KDM3B: variants seen among roughly 807,000 people sequenced by gnomAD.
KDM3B encodes lysine demethylase 3B.
A neutral mutation model predicts 170.0 loss-of-function variants in KDM3B; 10 were observed. The observed-to-expected ratio is 0.06, with a 90% CI of 0.04 to 0.10. The LOEUF (loss-of-function observed/expected upper bound fraction) is 0.10. KDM3B is among the 10% of genes least tolerant of loss of function. The pLI is 1.00. For missense variants in KDM3B, 1,394 were observed against 2,195.2 expected (o/e 0.64, Z 7.29); for synonymous variants, 831 against 834.8 (o/e 1.00, Z 0.08).
intron 15 of KDM3B, among the ~76,000 whole-genome samples, chr5:138,423,038 C>A (rs1763312156): frequency 6.6e-6 from 1 of 152,164 alleles, no homozygotes; most frequent in South Asian, 2.1e-4. Context: ...TTCCCAGGTT[C>A]AAGCAAATCT....
At chr5:138,379,185 G>T (rs1762069454) in intron 4 of KDM3B, among the ~76,000 whole-genome samples, 1 of 152,100 alleles carries the variant, frequency 6.6e-6, no homozygotes, top group South Asian at 2.1e-4. Flanking sequence ...TTTCAACTTA[G>T]TGGCCTCCCA....
intron 1 of KDM3B, among the ~76,000 whole-genome samples, chr5:138,372,321 T>A (rs1267634647): frequency 6.6e-6 from 1 of 152,246 alleles, no homozygotes; most frequent in Non-Finnish European, 1.5e-5. Flanking sequence ...GATTCCTTTC[T>A]GTATTCCTGA....
At chr5:138,382,657 T>A (rs1313193803) in intron 6 of KDM3B, among the ~76,000 whole-genome samples, 1 of 151,954 alleles carries the variant, frequency 6.6e-6, no homozygotes, top group Non-Finnish European at 1.5e-5. Flanking sequence ...AAGATCAGAA[T>A]AGGAAAAGAA....
At chr5:138,403,824 C>G (rs752319757) in intron 11 of KDM3B, among the ~76,000 whole-genome samples, 14 of 140,224 alleles carry the variant, frequency 1.0e-4, no homozygotes, top group Non-Finnish European at 1.4e-4. Flanking sequence ...AAGACCCCAT[C>G]TCAACCAAAA....
intron 12 of KDM3B, 99 bp downstream of exon 12, chr5:138,415,338 C>A: frequency 1.7e-6 from 1 of 583,108 alleles, no homozygotes; most frequent in Non-Finnish European, 3.0e-6. Flanking sequence ...CTCATTTTTT[C>A]TTTTAAGCAT....
At position 138,400,232 on chromosome 5, in the gene KDM3B, T is replaced by G. The variant is rs76113487; in HGVS notation, c.3199+220T>G. Reference sequence around the variant, plus strand: ...TTATTCTTAATTTTTCCTTGGTTTTTTTTTTGTTTTTGTTTTTTTTAAGGC... The same window carrying G: ...TTATTCTTAATTTTTCCTTGGTTTTGTTTTTGTTTTTGTTTTTTTTAAGGC... On this transcript the variant is annotated intron_variant, in intron 11 of 23. Coordinates refer to ENST00000314358, the MANE Select transcript of KDM3B (RefSeq NM_016604.4). Among the ~76,000 whole-genome samples the G allele has an allele frequency of 7.9e-3, 1,209 of 152,154 alleles. 6 individuals are homozygous for G. Among genetic ancestry groups the G allele is most frequent in the Non-Finnish European group, 0.013 (906 of 67,998 alleles).
rs758955932 is a variant in KDM3B at position 138,424,222 on chromosome 5, A to C, written c.4120A>C (p.Asn1374His). 6.2e-7 allele frequency: 1 copy of C among 1,614,160 alleles called. No individual in the cohort carries two copies. Among genetic ancestry groups the C allele is most frequent in the Non-Finnish European group, 8.5e-7 (1 of 1,180,006 alleles). ...AGTGAAGGAGATGGTGATGGGGTTA[A>C]ATGTGCTAGATCCCCATACTTCTCA... Reference protein sequence around the residue: ...KEVKEMVMGLNVLDPHTSHSW... With the variant: ...KEVKEMVMGLHVLDPHTSHSW... The change falls in exon 16 of 24, where the codon AAT (asparagine) becomes CAT (histidine). Residue 1374 changes from asparagine to histidine, a missense_variant. Coordinates refer to ENST00000314358, the MANE Select transcript of KDM3B (RefSeq NM_016604.4).
At chr5:138,372,541 A>G (rs1402645707) in intron 1 of KDM3B, 133 bp from the exon 2 acceptor site, 1 of 759,634 alleles carries the variant, frequency 1.3e-6, no homozygotes, top group Non-Finnish European at 2.1e-6. Flanking sequence ...ATTGACACCC[A>G]TTAAAATAAC....
intron 6 of KDM3B, among the ~76,000 whole-genome samples, chr5:138,382,938 T>C (rs902420018): frequency 1.3e-5 from 2 of 152,128 alleles, no homozygotes; most frequent in Non-Finnish European, 1.5e-5. Context: ...ATTAAGCATA[T>C]ATTGTATGCC....
Position 138,379,077 on chromosome 5 carries a change from T to C in KDM3B, c.581-507T>C, listed in dbSNP as rs1345025744. Among the ~76,000 whole-genome samples the C allele has an allele frequency of 2.6e-5, 4 of 152,170 alleles. No homozygotes were observed. The East Asian group carries it at 5.8e-4, about 22-fold the overall frequency. ...TCAGCCTATTATTAGTGCAGAAGGC[T>C]GGAAACTTCATAAATTGAACTCTTC... On this transcript the variant is annotated intron_variant, in intron 4 of 23. Transcript: ENST00000314358.
chr5:138,366,921 G>A (rs1761760986), intron 1 of KDM3B, among the ~76,000 whole-genome samples: 1 of 152,206 alleles, frequency 6.6e-6, no homozygotes, highest in African/African-American at 2.4e-5. Context: ...TAATATGCCA[G>A]TCAAAGCTCT....
At chr5:138,433,140 C>A (rs1335821738) in intron 23 of KDM3B, among the ~76,000 whole-genome samples, 1 of 141,298 alleles carries the variant, frequency 7.1e-6, no homozygotes, top group Non-Finnish European at 1.5e-5. Context: ...GAGACAGATT[C>A]TCAGTCTGTC....
At chr5:138,380,154 A>G (rs2126932502) in intron 5 of KDM3B, among the ~76,000 whole-genome samples, 2 of 151,862 alleles carry the variant, frequency 1.3e-5, no homozygotes, top group Non-Finnish European at 1.5e-5. Flanking sequence ...CACCTAGCTA[A>G]TTTTTCTATT....
intron 1 of KDM3B, among the ~76,000 whole-genome samples, chr5:138,354,035 T>G (rs1761394290): frequency 6.6e-6 from 1 of 152,210 alleles, no homozygotes. Flanking sequence ...CTTGATGAAC[T>G]TGCTTTTGCA....
chr5:138,395,238 G>A (rs1479322941), intron 9 of KDM3B, among the ~76,000 whole-genome samples: 1 of 152,138 alleles, frequency 6.6e-6, no homozygotes, highest in Non-Finnish European at 1.5e-5. Flanking sequence ...ATATCACCAG[G>A]TATTTAAAGC....
chr5:138,403,551 C>T (rs951402556), intron 11 of KDM3B, among the ~76,000 whole-genome samples: 9 of 152,008 alleles, frequency 5.9e-5, no homozygotes, highest in African/African-American at 2.2e-4. Flanking sequence ...GTGGCGGGTG[C>T]CTGTAATCCC....
At chr5:138,400,836 T>A (rs1300933354) in intron 11 of KDM3B, among the ~76,000 whole-genome samples, 3 of 152,002 alleles carry the variant, frequency 2.0e-5, no homozygotes, top group Admixed American at 2.0e-4. Context: ...AACCCATACC[T>A]GTTATCAGTC....
At chr5:138,377,649 T>C in intron 3 of KDM3B, 71 bp from the exon 4 acceptor site, 1 of 1,111,094 alleles carries the variant, frequency 9.0e-7, no homozygotes, top group Non-Finnish European at 1.4e-6. Flanking sequence ...TAGGATATGA[T>C]TTTTCTCAGC....
At chr5:138,406,470 C>G (rs1762824469) in intron 11 of KDM3B, among the ~76,000 whole-genome samples, 1 of 152,022 alleles carries the variant, frequency 6.6e-6, no homozygotes, top group Non-Finnish European at 1.5e-5. Flanking sequence ...ACGGTGAAAC[C>G]CTGTCTCTAC....
Sources: allele counts gnomAD v4.1 joint callset (sites outside exome capture counted in the v4.1 genomes callset), GRCh38; gene constraint gnomAD v4.1.1; transcripts MANE v1.5; gene names NCBI Gene and HGNC (gene_info 2026-07-23, HGNC 2026-07-21).